Variants in THTPA observed in about 807,000 individuals in gnomAD.
THTPA encodes the protein thiamine triphosphatase.
THTPA carries 16 observed loss-of-function variants against 16.5 expected under a neutral mutation model. That is an observed-to-expected ratio of 0.97 (90% CI 0.66 to 1.47). The LOEUF (loss-of-function observed/expected upper bound fraction) is 1.47, where lower values mean the gene tolerates loss of function less well. THTPA is among the 40% of genes most tolerant of loss of function. THTPA has a pLI of 0.00. For synonymous variants in THTPA, 110 were observed against 115.5 expected (o/e 0.95, Z 0.30); for missense variants, 281 against 280.9 (o/e 1.00, Z 0.00).
At chr14:23,534,093 G>A in the THTPA span, 33 of 1,500,312 alleles carry the variant, frequency 2.2e-5, no homozygotes, top group Admixed American at 5.4e-4. This position sits in a 1 kb window ranked among gnomAD's most constrained non-coding sequence, Gnocchi z 4.5. Flanking sequence ...GGTCACTGGG[G>A]TCTTCGGGGG....
chr14:23,532,074 C>G, the THTPA span: 2 of 184,434 alleles, frequency 1.1e-5, no homozygotes, highest in Non-Finnish European at 2.2e-5. Flanking sequence ...CCGCACCTAG[C>G]CTCAGGGGAC....
At chr14:23,523,745 C>A in the THTPA span, 1 of 1,536,152 alleles carries the variant, frequency 6.5e-7, no homozygotes, top group Non-Finnish European at 8.7e-7. This position sits in a 1 kb window ranked among gnomAD's most constrained non-coding sequence, Gnocchi z 4.1. Context: ...CCTGTAGCGC[C>A]GCTGCCCCAT....
the THTPA span, among the ~76,000 whole-genome samples, chr14:23,537,651 C>T: frequency 2.0e-5 from 3 of 152,026 alleles, no homozygotes; most frequent in South Asian, 4.2e-4. Context: ...ATGGGGAGGT[C>T]GGGGGAGTTG....
rs754822801 is a variant in THTPA, at chr14:23,559,801, G to A, written c.*961G>A. The stretch of plus-strand genomic sequence containing the variant: ...GTTCACCTCAAAGATCTCCTGCACC[G>A]ACTGGTGAAAGTGGTCGTAGGTGAG... On this transcript the variant is annotated 3_prime_UTR_variant, in exon 2 of 2. Coordinates refer to ENST00000288014, the MANE Select transcript of THTPA (RefSeq NM_024328.6). 3 of 1,614,132 alleles carry A rather than the reference G, an allele frequency of 1.9e-6. No homozygotes were observed. Among genetic ancestry groups the A allele is most frequent in the South Asian group, 2.2e-5 (2 of 91,066 alleles).
chr14:23,545,484 A>G, the THTPA span, among the ~76,000 whole-genome samples: 1 of 151,984 alleles, frequency 6.6e-6, no homozygotes, highest in Non-Finnish European at 1.5e-5. Context: ...TCCCATCTCC[A>G]AGTCATGGGT....
At chr14:23,521,972 A>G in the THTPA span, 1 of 1,536,276 alleles carries the variant, frequency 6.5e-7, no homozygotes, top group Non-Finnish European at 8.7e-7. Context: ...TTATAAAGCT[A>G]GAAGTGTAGA....
chr14:23,551,888 G>A (rs1386343813), upstream of THTPA, among the ~76,000 whole-genome samples: 2 of 152,136 alleles, frequency 1.3e-5, no homozygotes, highest in South Asian at 2.1e-4. This position sits in a 1 kb window ranked among gnomAD's most constrained non-coding sequence, Gnocchi z 5.3. Flanking sequence ...ACCCAGGGCC[G>A]GGGGCAGGCC....
chr14:23,528,385 C>T, the THTPA span, among the ~76,000 whole-genome samples: 1 of 152,222 alleles, frequency 6.6e-6, no homozygotes, highest in Non-Finnish European at 1.5e-5. Flanking sequence ...ACCATCCTGG[C>T]CTCTCTGCCT....
chr14:23,525,294 G>A, the THTPA span: 4 of 1,536,076 alleles, frequency 2.6e-6, no homozygotes, highest in African/African-American at 2.7e-5. This position sits in a 1 kb window ranked among gnomAD's most constrained non-coding sequence, Gnocchi z 5.9. Flanking sequence ...AGGAAGGGTG[G>A]GCCCAGATGG....
chr14:23,524,654 G>A, the THTPA span: 15 of 1,536,276 alleles, frequency 9.8e-6, no homozygotes, highest in Middle Eastern at 5.0e-4. This position sits in a 1 kb window ranked among gnomAD's most constrained non-coding sequence, Gnocchi z 5.6. Flanking sequence ...GGAAGGTGAT[G>A]GAGTAGCCTT....
intron 1 of THTPA, 118 bp downstream of exon 1, chr14:23,557,422 G>C: frequency 8.5e-7 from 1 of 1,179,114 alleles, no homozygotes. Flanking sequence ...TTTTAATAGA[G>C]ACAAGGTTTT....
chr14:23,548,846 C>T, the THTPA span, among the ~76,000 whole-genome samples: 2 of 152,216 alleles, frequency 1.3e-5, no homozygotes, highest in South Asian at 2.1e-4. Flanking sequence ...TCCAACCCCC[C>T]GGCGCCCCCG....
At chr14:23,543,495 G>C in the THTPA span, 1 of 152,304 alleles carries the variant, frequency 6.6e-6, no homozygotes, top group East Asian at 1.9e-4. Context: ...GTGCTATCAT[G>C]TTCCGCCTGA....
At chr14:23,525,998 C>G in the THTPA span, 1 of 1,529,384 alleles carries the variant, frequency 6.5e-7, no homozygotes, top group Non-Finnish European at 8.7e-7. The surrounding 1 kb of genome is among the most constrained non-coding windows in gnomAD (Gnocchi z 5.9). Flanking sequence ...AGATATGAAG[C>G]CACTGGTGTC....
the THTPA span, among the ~76,000 whole-genome samples, chr14:23,547,549 A>G: frequency 1.3e-5 from 2 of 151,948 alleles, no homozygotes; most frequent in East Asian, 3.9e-4. Context: ...TTTTCCTCCA[A>G]TTATCACTAC....
the THTPA span, chr14:23,525,779 G>A: frequency 8.0e-6 from 12 of 1,501,354 alleles, no homozygotes; most frequent in African/African-American, 1.4e-5. The surrounding 1 kb of genome is among the most constrained non-coding windows in gnomAD (Gnocchi z 5.9). Flanking sequence ...AGCTGGCAGG[G>A]ACAGCACAGG....
the THTPA span, among the ~76,000 whole-genome samples, chr14:23,539,499 G>A: frequency 7.2e-5 from 11 of 152,314 alleles, no homozygotes; most frequent in Non-Finnish European, 1.3e-4. Context: ...GAAAAGCCAG[G>A]CCCTGACCGA....
At chr14:23,534,407 C>A in the THTPA span, 1 of 1,536,812 alleles carries the variant, frequency 6.5e-7, no homozygotes, top group South Asian at 1.2e-5. This position sits in a 1 kb window ranked among gnomAD's most constrained non-coding sequence, Gnocchi z 4.5. Context: ...CTGCTGTTGT[C>A]AAGGGGTATG....
chr14:23,524,547 T>C, the THTPA span: 3 of 1,529,482 alleles, frequency 2.0e-6, no homozygotes, highest in South Asian at 3.6e-5. The surrounding 1 kb of genome is among the most constrained non-coding windows in gnomAD (Gnocchi z 5.6). Context: ...GGGGGAGCAC[T>C]GGGCTGCAGA....
Sources: gnomAD v4.1 joint callset for allele counts (sites outside exome capture counted in the v4.1 genomes callset) on GRCh38, gnomAD v4.1.1 for gene constraint, Gnocchi (gnomAD v3.1) non-coding constraint, MANE v1.5 for transcripts, NCBI Gene and HGNC (gene_info 2026-07-23, HGNC 2026-07-21) for gene names.